Variants in NRXN1 observed in about 807,000 individuals in gnomAD.
The protein encoded by NRXN1 is neurexin-1.
A neutral mutation model predicts 150.9 loss-of-function variants in NRXN1; 39 were observed. The ratio of observed to expected loss-of-function variants is 0.26; its 90% CI spans 0.20 to 0.34. The LOEUF (loss-of-function observed/expected upper bound fraction) is 0.34. Ranked by LOEUF, NRXN1 falls within the 10% of genes least tolerant of loss-of-function variation. The pLI is 1.00. For synonymous variants in NRXN1, 924 were observed against 757.0 expected (o/e 1.22, Z -3.62); for missense variants, 1,815 against 1,949.9 (o/e 0.93, Z 1.30).
chr2:50,684,076 T>TG (rs1314772540), intron 5 of NRXN1, among the ~76,000 whole-genome samples: 1 of 152,108 alleles, frequency 6.6e-6, no homozygotes, highest in African/African-American at 2.4e-5. Flanking sequence ...CTCCTACCAC[T>TG]GCAAATATCA....
Position 50,258,306 on chromosome 2 carries a change from A to T in NRXN1, c.3365-21336T>A, listed in dbSNP as rs566139689. ...TGCTGCTGCTTTTTCAACTAAGTTT[A>T]TGTAATATTCTACATCCATTGTTGT... is the stretch of plus-strand genomic sequence containing the variant. On this transcript the variant is annotated intron_variant, in intron 17 of 22. Transcript: ENST00000401669. Among the ~76,000 whole-genome samples, 4 of 152,214 alleles carry T rather than the reference A, an allele frequency of 2.6e-5. No homozygotes were observed. In the South Asian group the frequency reaches 8.3e-4, roughly 32 times the overall value.
chr2:50,009,040 A>C (rs1170499197), intron 21 of NRXN1, among the ~76,000 whole-genome samples: 1 of 152,218 alleles, frequency 6.6e-6, no homozygotes, highest in African/African-American at 2.4e-5. Context: ...TAACTTTATA[A>C]CTACCAACTA....
At chr2:50,252,243 T>TC (rs1559175084) in intron 17 of NRXN1, among the ~76,000 whole-genome samples, 1 of 131,792 alleles carries the variant, frequency 7.6e-6, no homozygotes, top group Non-Finnish European at 1.6e-5. Flanking sequence ...CTTTTTTTTT[T>TC]TTCTTTTTTC....
At chr2:50,296,857 G>T (rs2073633327) in intron 17 of NRXN1, among the ~76,000 whole-genome samples, 1 of 149,300 alleles carries the variant, frequency 6.7e-6, no homozygotes, top group African/African-American at 2.5e-5. Flanking sequence ...CTATGTTGCT[G>T]TAAAAGACAC....
At chr2:50,336,795 A>G (rs549717934) in intron 17 of NRXN1, among the ~76,000 whole-genome samples, 6 of 152,348 alleles carry the variant, frequency 3.9e-5, no homozygotes, top group Admixed American at 3.3e-4. Context: ...GTCAGAACAA[A>G]TAAAGTGATG....
At chr2:50,059,649 G>A (rs1205722575) in intron 19 of NRXN1, among the ~76,000 whole-genome samples, 5 of 152,160 alleles carry the variant, frequency 3.3e-5, no homozygotes, top group African/African-American at 1.2e-4. Flanking sequence ...GGAGGCCTAG[G>A]AGGAAAAAAT....
chr2:50,762,704 A>T (rs942958933), intron 5 of NRXN1, among the ~76,000 whole-genome samples: 2 of 151,952 alleles, frequency 1.3e-5, no homozygotes, highest in South Asian at 2.1e-4. Flanking sequence ...GTAATCCATG[A>T]TATATATGCA....
intron 2 of NRXN1, among the ~76,000 whole-genome samples, chr2:50,976,804 C>T (rs1357822317): frequency 6.6e-6 from 1 of 151,930 alleles, no homozygotes; most frequent in South Asian, 2.1e-4. Flanking sequence ...AAAAAATCAT[C>T]GATTAAATAA....
chr2:50,885,364 A>T (rs1156261884), intron 5 of NRXN1, among the ~76,000 whole-genome samples: 1 of 149,458 alleles, frequency 6.7e-6, no homozygotes, highest in Non-Finnish European at 1.5e-5. Flanking sequence ...TTAAACAGTT[A>T]AACTTGCTAA....
intron 17 of NRXN1, among the ~76,000 whole-genome samples, chr2:50,420,734 AC>A (rs2083919557): frequency 6.6e-6 from 1 of 152,062 alleles, no homozygotes; most frequent in Admixed American, 6.6e-5. Flanking sequence ...TTGTTCATAG[AC>A]TGATGAATCA....
intron 5 of NRXN1, among the ~76,000 whole-genome samples, chr2:50,812,229 A>G (rs1668313996): frequency 6.6e-6 from 1 of 152,228 alleles, no homozygotes. Flanking sequence ...GAATAGGAGA[A>G]CATATAAATA....
chr2:50,262,915 A>G (rs548327198), intron 17 of NRXN1, among the ~76,000 whole-genome samples: 1 of 152,132 alleles, frequency 6.6e-6, no homozygotes, highest in African/African-American at 2.4e-5. Context: ...CAAAGAATTT[A>G]AAGTCCTTCA....
chr2:50,537,623 G>A (rs982025585), intron 10 of NRXN1, among the ~76,000 whole-genome samples: 4 of 152,180 alleles, frequency 2.6e-5, no homozygotes, highest in African/African-American at 9.7e-5. Context: ...AGTCTTAACA[G>A]CAAATTGGTA....
chr2:50,928,649 C>T (rs1558437591), intron 2 of NRXN1, among the ~76,000 whole-genome samples: 1 of 151,944 alleles, frequency 6.6e-6, no homozygotes, highest in Non-Finnish European at 1.5e-5. Context: ...CACACAAATG[C>T]TACTTTGCTT....
chr2:51,014,649 A>C (rs2105222998), intron 2 of NRXN1, among the ~76,000 whole-genome samples: 1 of 152,170 alleles, frequency 6.6e-6, no homozygotes, highest in East Asian at 1.9e-4. Flanking sequence ...ATTACAAGTG[A>C]AGAGTCTGGC....
intron 2 of NRXN1, among the ~76,000 whole-genome samples, chr2:50,972,377 T>C (rs1199140250): frequency 1.3e-5 from 2 of 152,160 alleles, no homozygotes; most frequent in East Asian, 1.9e-4. Flanking sequence ...ATATGCCACT[T>C]TGTGGGAAGT....
At chr2:50,514,832 G>T (rs1289495735) in intron 12 of NRXN1, among the ~76,000 whole-genome samples, 2 of 152,138 alleles carry the variant, frequency 1.3e-5, no homozygotes, top group Non-Finnish European at 2.9e-5. Flanking sequence ...ACATACTCAA[G>T]AATTTAAGTG....
chr2:50,742,792 G>A (rs1289792415), intron 5 of NRXN1, among the ~76,000 whole-genome samples: 5 of 151,834 alleles, frequency 3.3e-5, no homozygotes, highest in African/African-American at 7.3e-5. Context: ...TAATAACATC[G>A]GCAGATTCTA....
chr2:50,963,312 T>C (rs566426986), intron 2 of NRXN1, among the ~76,000 whole-genome samples: 2 of 151,528 alleles, frequency 1.3e-5, no homozygotes, highest in African/African-American at 4.8e-5. Context: ...GACAGCTGTC[T>C]ACCTTCTCTC....
Sources: gnomAD v4.1 joint callset for allele counts (sites outside exome capture counted in the v4.1 genomes callset) on GRCh38, gnomAD v4.1.1 for gene constraint, MANE v1.5 for transcripts, NCBI Gene and HGNC (gene_info 2026-07-23, HGNC 2026-07-21) for gene names.